MCPH1: variants seen among roughly 807,000 people sequenced by gnomAD.
The protein encoded by MCPH1 is microcephalin.
A neutral mutation model predicts 84.5 loss-of-function variants in MCPH1; 104 were observed. The ratio of observed to expected loss-of-function variants is 1.23; its 90% CI spans 1.05 to 1.45. The LOEUF (loss-of-function observed/expected upper bound fraction) is 1.45. MCPH1 is among the 40% of genes most tolerant of loss of function. MCPH1 has a pLI of 0.00. For synonymous variants in MCPH1, 514 were observed against 366.8 expected, an observed-to-expected ratio of 1.40 and a Z score of -4.58; for missense variants, 1,498 against 1,005.7, an observed-to-expected ratio of 1.49 and a Z score of -6.62.
intron 9 of MCPH1, among the ~76,000 whole-genome samples, chr8:6,456,297 G>T (rs1319354817): frequency 3.3e-5 from 5 of 152,174 alleles, no homozygotes; most frequent in Non-Finnish European, 5.9e-5. Context: ...CAATGGCGTT[G>T]CGCACTGTGA....
rs1253928263 is a variant in MCPH1 at position 6,646,786 on chromosome 8, C to G, written c.*3737C>G. 1 of 152,142 alleles carries G rather than the reference C, an allele frequency of 6.6e-6. No homozygotes were observed. Among genetic ancestry groups the G allele is most frequent in the Non-Finnish European group, 1.5e-5 (1 of 68,044 alleles). 9.4% of individuals were successfully genotyped at this position (152,142 alleles called of 1,614,324 possible). On this transcript the variant is annotated 3_prime_UTR_variant, in exon 14 of 14. Coordinates refer to ENST00000344683, the MANE Select transcript of MCPH1 (RefSeq NM_024596.5). ...TGACAATCTCTGTCTCCAGATATTC[C>G]CAAATGTGCCCTGGAGAGCAAAACT...
chr8:6,459,809 T>A (rs1359747076), intron 9 of MCPH1, among the ~76,000 whole-genome samples: 1 of 152,202 alleles, frequency 6.6e-6, no homozygotes, highest in Non-Finnish European at 1.5e-5. Context: ...TGTCAGTCGA[T>A]GAGAGCTGTC....
chr8:6,418,205 A>C (rs1442182649), intron 3 of MCPH1, among the ~76,000 whole-genome samples: 1 of 152,058 alleles, frequency 6.6e-6, no homozygotes, highest in Non-Finnish European at 1.5e-5. Context: ...TTCAGCGAGA[A>C]AGGAGGCCGG....
intron 9 of MCPH1, among the ~76,000 whole-genome samples, chr8:6,471,784 A>G (rs975610273): frequency 1.3e-5 from 2 of 152,212 alleles, no homozygotes; most frequent in Non-Finnish European, 2.9e-5. Flanking sequence ...AGTACCCAGC[A>G]TAGTTCTTCT....
intron 4 of MCPH1, among the ~76,000 whole-genome samples, chr8:6,434,356 C>T (rs1257863144): frequency 1.3e-5 from 2 of 152,316 alleles, no homozygotes; most frequent in African/African-American, 4.8e-5. Context: ...CTTCATCTCA[C>T]TACTCATAAA....
intron 4 of MCPH1, among the ~76,000 whole-genome samples, chr8:6,434,260 G>A (rs1472366258): frequency 6.6e-6 from 1 of 152,198 alleles, no homozygotes; most frequent in Non-Finnish European, 1.5e-5. Flanking sequence ...TGAGAACCAG[G>A]AAGCGCAAGA....
intron 12 of MCPH1, among the ~76,000 whole-genome samples, chr8:6,521,746 A>C (rs995056596): frequency 1.3e-5 from 2 of 152,204 alleles, no homozygotes; most frequent in African/African-American, 4.8e-5. Flanking sequence ...CTGCTCTTTC[A>C]AGCTTAGTGC....
chr8:6,523,981 G>T (rs1415704368), intron 12 of MCPH1, among the ~76,000 whole-genome samples: 1 of 151,374 alleles, frequency 6.6e-6, no homozygotes, highest in Non-Finnish European at 1.5e-5. Context: ...TGTGATAATT[G>T]CAGGAAAAGC....
chr8:6,576,481 C>T (rs530962530), intron 12 of MCPH1, among the ~76,000 whole-genome samples: 16 of 143,200 alleles, frequency 1.1e-4, no homozygotes, highest in Admixed American at 5.0e-4. Context: ...CTTTCCCTTC[C>T]CGTTTCCTTT....
chr8:6,541,476 T>A (rs942439631), intron 12 of MCPH1, among the ~76,000 whole-genome samples: 1 of 152,082 alleles, frequency 6.6e-6, no homozygotes, highest in Admixed American at 6.5e-5. Context: ...AGGGCAGGCC[T>A]GGAGACAGGA....
intron 12 of MCPH1, among the ~76,000 whole-genome samples, chr8:6,523,815 C>A (rs2515452): frequency 0.075 from 11,408 of 151,548 alleles, 515 homozygotes; most frequent in African/African-American, 0.12. Context: ...TCTCGAACTC[C>A]TGACTTCCTG....
At chr8:6,593,968 G>T (rs1828721663) in intron 12 of MCPH1, among the ~76,000 whole-genome samples, 1 of 152,218 alleles carries the variant, frequency 6.6e-6, no homozygotes, top group Non-Finnish European at 1.5e-5. Context: ...ATAGAAGGCT[G>T]GTGGTGAGCT....
At chr8:6,626,648 T>G (rs1832109551) in intron 13 of MCPH1, 1 of 984,924 alleles carries the variant, frequency 1.0e-6, no homozygotes, top group South Asian at 4.7e-5. Flanking sequence ...GGTTGCATTT[T>G]CCCCCCAACA....
chr8:6,617,857 G>A (rs1170247330), intron 12 of MCPH1, among the ~76,000 whole-genome samples: 2 of 150,646 alleles, frequency 1.3e-5, no homozygotes, highest in African/African-American at 4.9e-5. Flanking sequence ...ATCTATGTCT[G>A]TCTGTCTGTC....
At chr8:6,519,755 G>A in intron 12 of MCPH1, 4 of 1,417,098 alleles carry the variant, frequency 2.8e-6, no homozygotes, top group Non-Finnish European at 3.9e-6. Flanking sequence ...TTTGTACTGT[G>A]TGAGGCTGGG....
chr8:6,587,040 AG>A (rs1257087180), intron 12 of MCPH1, among the ~76,000 whole-genome samples: 2 of 150,672 alleles, frequency 1.3e-5, no homozygotes, highest in Admixed American at 1.3e-4. Flanking sequence ...GCTCAGCGCT[AG>A]GGACCTCTGC....
intron 12 of MCPH1, among the ~76,000 whole-genome samples, chr8:6,533,518 G>A (rs557290887): frequency 3.4e-5 from 5 of 147,690 alleles, no homozygotes; most frequent in African/African-American, 1.2e-4. Context: ...GTTAAGCTGT[G>A]CTTTTAAAGT....
intron 12 of MCPH1, chr8:6,500,388 T>C (rs1463845147): frequency 6.3e-6 from 1 of 158,442 alleles, no homozygotes; most frequent in African/African-American, 2.4e-5. Context: ...GGTTCTAATT[T>C]TTTTTAAGAT....
intron 12 of MCPH1, among the ~76,000 whole-genome samples, chr8:6,557,332 C>G (rs1824790866): frequency 6.6e-6 from 1 of 152,218 alleles, no homozygotes; most frequent in East Asian, 1.9e-4. Context: ...ACCTACCATA[C>G]TTGTGTACTA....
Sources: allele counts gnomAD v4.1 joint callset (sites outside exome capture counted in the v4.1 genomes callset), GRCh38; gene constraint gnomAD v4.1.1; transcripts MANE v1.5; gene names NCBI Gene and HGNC (gene_info 2026-07-23, HGNC 2026-07-21).